CAPSL: variants seen among roughly 807,000 people sequenced by gnomAD.
CAPSL encodes calcyphosine like, also known as calcyphosin-like protein.
CAPSL carries 17 observed loss-of-function variants against 21.3 expected under a neutral mutation model. The observed-to-expected ratio is 0.80, with a 90% CI of 0.55 to 1.20. CAPSL has a LOEUF of 1.20. Among genes scored for constraint, CAPSL ranks in the 50% most tolerant of loss-of-function variants. The pLI is 0.00. For synonymous variants in CAPSL, 102 were observed against 89.3 expected, an observed-to-expected ratio of 1.14 and a Z score of -0.80; for missense variants, 289 against 259.3, an observed-to-expected ratio of 1.11 and a Z score of -0.79.
chr5:35,918,904 G>A (rs1738460197), intron 2 of CAPSL, among the ~76,000 whole-genome samples: 1 of 151,748 alleles, frequency 6.6e-6, no homozygotes, highest in Non-Finnish European at 1.5e-5. Context: ...TGAGCAATTG[G>A]GATGAAAATA....
intron 4 of CAPSL, 135 bp downstream of exon 4, chr5:35,909,731 T>A (rs921708564): frequency 1.3e-6 from 1 of 765,034 alleles, no homozygotes. Flanking sequence ...TCTAGATTGT[T>A]CCTAGGGAAA....
At chr5:35,930,534 A>G (rs1738794055) in intron 1 of CAPSL, among the ~76,000 whole-genome samples, 1 of 152,200 alleles carries the variant, frequency 6.6e-6, no homozygotes, top group African/African-American at 2.4e-5. Context: ...GCAAATGTCA[A>G]CCATACACTT....
At chr5:35,921,211 T>A in intron 1 of CAPSL, 91 bp from the exon 2 acceptor site, 3 of 1,450,166 alleles carry the variant, frequency 2.1e-6, no homozygotes. Context: ...GAGAAGGAAA[T>A]TTACAGCCTT....
chr5:35,924,434 A>G (rs1158631586), intron 1 of CAPSL, among the ~76,000 whole-genome samples: 1 of 152,202 alleles, frequency 6.6e-6, no homozygotes, highest in Non-Finnish European at 1.5e-5. Context: ...CTCATAGGAA[A>G]GTGGGATCGA....
chr5:35,938,310 G>A (rs1423659), intron 1 of CAPSL, among the ~76,000 whole-genome samples: 130,434 of 152,066 alleles, frequency 0.86, 56,086 homozygotes, highest in East Asian at 0.94. Context: ...TTATTTTTGT[G>A]CATTTTTATC....
intron 1 of CAPSL, among the ~76,000 whole-genome samples, chr5:35,925,535 T>C (rs1467574297): frequency 6.6e-6 from 1 of 151,226 alleles, no homozygotes; most frequent in Non-Finnish European, 1.5e-5. Context: ...TCGGAGGAAG[T>C]AGGGAAAGGG....
At chr5:35,917,829 C>A (rs551859090) in intron 2 of CAPSL, among the ~76,000 whole-genome samples, 1 of 151,942 alleles carries the variant, frequency 6.6e-6, no homozygotes, top group Admixed American at 6.6e-5. Flanking sequence ...AACAAACCTG[C>A]GCGTTGTGCA....
At chr5:35,931,371 T>C (rs888629140) in intron 1 of CAPSL, among the ~76,000 whole-genome samples, 3 of 151,334 alleles carry the variant, frequency 2.0e-5, no homozygotes, top group Admixed American at 6.6e-5. Context: ...CTTTTGACTA[T>C]GAAAGAGAGC....
intron 3 of CAPSL, 54 bp from the exon 4 acceptor site, chr5:35,910,129 T>C: frequency 7.0e-7 from 1 of 1,422,162 alleles, no homozygotes; most frequent in Non-Finnish European, 9.6e-7. Context: ...TGAGCTTTTT[T>C]GGTATCCTAT....
At chr5:35,928,820 C>T (rs1738748611) in intron 1 of CAPSL, among the ~76,000 whole-genome samples, 1 of 151,968 alleles carries the variant, frequency 6.6e-6, no homozygotes, top group African/African-American at 2.4e-5. Flanking sequence ...GTTGAGAAGC[C>T]CTGATATAGA....
chr5:35,904,865 C>T (rs1481427016), intron 4 of CAPSL: 1 of 334,068 alleles, frequency 3.0e-6, no homozygotes, highest in Non-Finnish European at 4.3e-6. Flanking sequence ...AGTTTCTAAG[C>T]CAACCTAAAT....
intron 2 of CAPSL, among the ~76,000 whole-genome samples, chr5:35,911,457 A>G (rs1030607973): frequency 7.2e-5 from 11 of 152,198 alleles, no homozygotes; most frequent in African/African-American, 2.4e-4. Context: ...TAATAAGCCC[A>G]GTTTAGTCAT....
intron 1 of CAPSL, among the ~76,000 whole-genome samples, chr5:35,932,192 A>T (rs901057002): frequency 8.5e-5 from 13 of 152,222 alleles, no homozygotes; most frequent in African/African-American, 3.1e-4. Flanking sequence ...ACATCAGCGT[A>T]AATCAGTGTA....
chr5:35,925,544 G>A (rs1313816158), intron 1 of CAPSL, among the ~76,000 whole-genome samples: 2 of 152,034 alleles, frequency 1.3e-5, no homozygotes, highest in East Asian at 3.9e-4. Flanking sequence ...GTAGGGAAAG[G>A]GGAATTGTGG....
At chr5:35,937,019 C>G (rs545499863) in intron 1 of CAPSL, among the ~76,000 whole-genome samples, 22 of 152,202 alleles carry the variant, frequency 1.4e-4, no homozygotes, top group Non-Finnish European at 3.1e-4. Context: ...CTTCCTAACC[C>G]TTTACATCCA....
At chr5:35,913,913 G>C (rs531358088) in intron 2 of CAPSL, among the ~76,000 whole-genome samples, 224 of 152,210 alleles carry the variant, frequency 1.5e-3, no homozygotes, top group Non-Finnish European at 2.5e-3. Context: ...CACAGACTGG[G>C]AAATTGGATA....
chr5:35,919,039 G>A (rs1738463130), intron 2 of CAPSL, among the ~76,000 whole-genome samples: 1 of 151,656 alleles, frequency 6.6e-6, no homozygotes, highest in Non-Finnish European at 1.5e-5. Flanking sequence ...AACCGTAGGG[G>A]CTGCAGAAGA....
intron 1 of CAPSL, among the ~76,000 whole-genome samples, chr5:35,928,077 C>T (rs934541736): frequency 3.9e-5 from 6 of 152,154 alleles, no homozygotes; most frequent in African/African-American, 9.7e-5. Context: ...ACTATTCTCT[C>T]GGCCTTTCAG....
At chr5:35,933,177 C>T (rs1281618416) in intron 1 of CAPSL, among the ~76,000 whole-genome samples, 1 of 152,074 alleles carries the variant, frequency 6.6e-6, no homozygotes, top group African/African-American at 2.4e-5. Flanking sequence ...ATAAGAACAA[C>T]AGTAATAGGA....
Sources: allele counts gnomAD v4.1 joint callset (sites outside exome capture counted in the v4.1 genomes callset), GRCh38; gene constraint gnomAD v4.1.1; transcripts MANE v1.5; gene names NCBI Gene and HGNC (gene_info 2026-07-23, HGNC 2026-07-21).